The following IGF2R variants were observed in gnomAD, a reference collection of about 807,000 sequenced individuals.
The protein encoded by IGF2R is cation-independent mannose-6-phosphate receptor.
IGF2R carries 91 observed loss-of-function variants against 270.6 expected under a neutral mutation model. The ratio of observed to expected loss-of-function variants is 0.34; its 90% CI spans 0.28 to 0.40. The LOEUF is 0.40. IGF2R is among the 10% of genes least tolerant of loss of function. The pLI is 1.00. For synonymous variants in IGF2R, 1,316 were observed against 1,258.9 expected (o/e 1.05, Z -0.96); for missense variants, 2,805 against 3,188.3 (o/e 0.88, Z 2.90).
intron 36 of IGF2R, 131 bp downstream of exon 36, chr6:160,076,127 C>A: frequency 1.2e-6 from 1 of 847,670 alleles, no homozygotes; most frequent in Non-Finnish European, 1.9e-6. Flanking sequence ...AGATGGTACG[C>A]TAGTAGTGTG....
Position 160,069,978 on chromosome 6 carries a change from T to TA in IGF2R, c.4364dup (p.Tyr1455Ter). 1 of 1,614,202 alleles carries TA rather than the reference T, an allele frequency of 6.2e-7. No individual in the cohort carries two copies. The highest frequency in any genetic ancestry group is 8.5e-7 in the Non-Finnish European group (1 of 1,180,030). The change falls in exon 31 of 48, where the codon TAC becomes TAAC. Residue 1455 changes from tyrosine to a stop codon, truncating the protein, a stop_gained and frameshift_variant. Coordinates refer to ENST00000356956, the MANE Select transcript of IGF2R (RefSeq NM_000876.4). LOFTEE classifies it high-confidence loss of function. ...GAGAGATGGCATAATTGTCCTGAAATACGTTGATGGCGACTTATGTCCAGA... is the reference window on the plus strand; with the variant it reads ...GAGAGATGGCATAATTGTCCTGAAATAACGTTGATGGCGACTTATGTCCAGA... ...QWRDGIIVLKYVDGDLCPDGI... is the reference protein window; with the variant it reads ...QWRDGIIVLK
In IGF2R at chr6:160,102,420, G is replaced by T; in HGVS notation, c.6843-99G>T. ...GTAAGAATCACATGGTGTTGGGAAA[G>T]TCAGAGCTGCTCTTGCCTTGGGGAC... On this transcript the variant is annotated intron_variant, in intron 45 of 47. Transcript: ENST00000356956. This position sits in a 1 kb window ranked among gnomAD's most constrained non-coding sequence, Gnocchi z 4.5. The T allele has an allele frequency of 7.5e-7, 1 of 1,341,656 alleles. No homozygotes were observed. The allele number at this position is 1,341,656 out of a possible 1,614,324, so 83.1% of individuals were successfully genotyped here. A position where few individuals can be genotyped will look rare whatever the true frequency, so the allele number is the denominator to read the frequency against.
Position 160,084,231 on chromosome 6 carries a change from G to A in IGF2R, c.6068+47G>A, listed in dbSNP as rs753748230. 3 of 1,162,492 alleles carry A rather than the reference G, an allele frequency of 2.6e-6. No homozygotes were observed. The African/African-American group carries it at 4.5e-5, about 18-fold the overall frequency. The allele number at this position is 1,162,492 out of a possible 1,614,324, so 72.0% of individuals were successfully genotyped here. ...CCGCGGCGCCACACCCTCAGCATGT[G>A]AACTTCAGACTGCTTGACGATGGTT... is the stretch of plus-strand genomic sequence containing the variant. On this transcript the variant is annotated intron_variant, in intron 40 of 47. Coordinates refer to ENST00000356956, the MANE Select transcript of IGF2R (RefSeq NM_000876.4). The surrounding 1 kb of genome is among the most constrained non-coding windows in gnomAD (Gnocchi z 4.6).
intron 29 of IGF2R, among the ~76,000 whole-genome samples, chr6:160,065,810 G>GTATATATATATA (rs1280903899): frequency 1.2e-4 from 9 of 72,964 alleles, no homozygotes; most frequent in African/African-American, 1.8e-4. Flanking sequence ...GTGTGTGTGT[G>GTATATATATATA]TGTGTATATA....
chr6:160,080,393 A>C, intron 39 of IGF2R, 118 bp downstream of exon 39: 2 of 1,023,178 alleles, frequency 2.0e-6, no homozygotes, highest in Non-Finnish European at 2.8e-6. Flanking sequence ...CTTGCATAAA[A>C]TATTTTCTTA....
intron 4 of IGF2R, among the ~76,000 whole-genome samples, chr6:160,018,409 T>C (rs1299396918): frequency 6.6e-6 from 1 of 152,002 alleles, no homozygotes; most frequent in Non-Finnish European, 1.5e-5. Context: ...AATAATAGAA[T>C]TCAATCACTG....
At chr6:160,076,150 A>C (rs1411820094) in intron 36 of IGF2R, among the ~76,000 whole-genome samples, 154 bp downstream of exon 36, 1 of 152,246 alleles carries the variant, frequency 6.6e-6, no homozygotes, top group Non-Finnish European at 1.5e-5. Context: ...TGAATAATTT[A>C]AACCACTGAT....
rs975518738 is a variant in IGF2R, at chr6:160,050,279, G to A, written c.2515-194G>A. On this transcript the variant is annotated intron_variant, in intron 18 of 47. Coordinates refer to ENST00000356956, the MANE Select transcript of IGF2R (RefSeq NM_000876.4). This position sits in a 1 kb window ranked among gnomAD's most constrained non-coding sequence, Gnocchi z 4.0. ...TGGTGCTCAATTGCATGCCTGGAAC[G>A]CAGCATGCAGTTGTTGTTAACTCTT... Among the ~76,000 whole-genome samples the A allele has an allele frequency of 6.6e-6, 1 of 152,170 alleles. No individual in the cohort carries two copies. The highest frequency in any genetic ancestry group is 2.4e-5 in the African/African-American group (1 of 41,432).
At chr6:160,044,379 A>C (rs112843205) in intron 12 of IGF2R, 135 bp from the exon 13 acceptor site, 33 of 786,638 alleles carry the variant, frequency 4.2e-5, no homozygotes, top group African/African-American at 3.5e-4. Context: ...GGGCTGGAGA[A>C]GGGCTGCACG....
intron 10 of IGF2R, among the ~76,000 whole-genome samples, chr6:160,034,880 TTGAG>T (rs1777778861): frequency 6.6e-6 from 1 of 152,226 alleles, no homozygotes; most frequent in Non-Finnish European, 1.5e-5. Flanking sequence ...TCAATTTTGA[TTGAG>T]TGACCTCTTC....
chr6:160,084,280 G>C lies in IGF2R; in HGVS notation c.6068+96G>C, dbSNP rs3777402. On this transcript the variant is annotated intron_variant, in intron 40 of 47. Transcript: ENST00000356956. The surrounding 1 kb of genome is among the most constrained non-coding windows in gnomAD (Gnocchi z 4.6). ...TTGGCTCTTTTGGGTTCTCAAGATG[G>C]GAATACTATGCCCATGTGAGGCTGA... The C allele has an allele frequency of 0.029, 20,799 of 722,976 alleles. 668 individuals carry two copies. Among genetic ancestry groups the C allele is most frequent in the East Asian group, 0.12 (4,394 of 37,876 alleles). 44.8% of individuals were successfully genotyped at this position (722,976 alleles called of 1,614,324 possible).
intron 45 of IGF2R, among the ~76,000 whole-genome samples, chr6:160,097,620 A>G (rs1024210544): frequency 6.6e-6 from 1 of 152,200 alleles, no homozygotes; most frequent in Non-Finnish European, 1.5e-5. Flanking sequence ...GTGAGCTGCC[A>G]TGCCCGGCCT....
chr6:160,054,551 G>A (rs1176886149), intron 19 of IGF2R, among the ~76,000 whole-genome samples: 1 of 152,176 alleles, frequency 6.6e-6, no homozygotes, highest in Admixed American at 6.5e-5. Context: ...AAAAGGGTCG[G>A]CTTCTGTTTA....
At position 160,060,665 on chromosome 6, in the gene IGF2R, G is replaced by A. The variant is rs369314463; in HGVS notation, c.3210G>A (p.Glu1070=). 1.9e-6 allele frequency: 3 copies of A among 1,614,148 alleles called. No individual in the cohort carries two copies. Among genetic ancestry groups the A allele is most frequent in the African/African-American group, 2.7e-5 (2 of 74,948 alleles). Reference sequence around the variant, plus strand: ...AAGGGATCCGAAACACTTACTTTGAGTTTGAAACCGCGTTGGCCTGTGTTC... The same window carrying A: ...AAGGGATCCGAAACACTTACTTTGAATTTGAAACCGCGTTGGCCTGTGTTC... ...SGQGIRNTYF[E]FETALACVPS... Residue 1070 remains glutamate (E), a synonymous_variant, in exon 23 of 48, where the codon GAG becomes GAA. Transcript: ENST00000356956.
chr6:160,005,218 C>G (rs1784197891), intron 2 of IGF2R: 1 of 152,328 alleles, frequency 6.6e-6, no homozygotes, highest in Admixed American at 6.5e-5. Flanking sequence ...TAATGTGGTT[C>G]TAAGGAGGCT....
At chr6:160,046,469 A>G (rs536361166) in intron 14 of IGF2R, 29 bp from the exon 15 acceptor site, 8 of 1,593,120 alleles carry the variant, frequency 5.0e-6, no homozygotes, top group Middle Eastern at 2.0e-4. Flanking sequence ...CTGACCTTCC[A>G]TACTTTTATT....
Position 160,105,457 on chromosome 6 carries a change from C to A in IGF2R, c.*373C>A, listed in dbSNP as rs1194086527. On this transcript the variant is annotated 3_prime_UTR_variant, in exon 48 of 48. Transcript: ENST00000356956. The stretch of plus-strand genomic sequence containing the variant: ...CCCGATATATTTTAGCATTTTAATT[C>A]TCTCCCCCTATTTATTGACTTTGAC... 2 of 168,842 alleles carry A rather than the reference C, an allele frequency of 1.2e-5. No homozygotes were observed. Among genetic ancestry groups the A allele is most frequent in the African/African-American group, 4.8e-5 (2 of 42,018 alleles). The allele number at this position is 168,842 out of a possible 1,614,324, so 10.5% of individuals were successfully genotyped here. A position where few individuals can be genotyped will look rare whatever the true frequency, so the allele number is the denominator to read the frequency against.
chr6:160,009,250 T>C (rs949786673), intron 3 of IGF2R, 116 bp downstream of exon 3: 1 of 834,880 alleles, frequency 1.2e-6, no homozygotes, highest in Non-Finnish European at 1.8e-6. Flanking sequence ...GAAACACAAA[T>C]AAGAAAAACC....
intron 10 of IGF2R, among the ~76,000 whole-genome samples, chr6:160,037,132 T>G (rs1777845052): frequency 6.6e-6 from 1 of 152,216 alleles, no homozygotes; most frequent in Non-Finnish European, 1.5e-5. Context: ...TTCCTTTATG[T>G]AAATTCAGTA....
Sources: allele counts gnomAD v4.1 joint callset (sites outside exome capture counted in the v4.1 genomes callset), GRCh38; gene constraint gnomAD v4.1.1; non-coding constraint Gnocchi (gnomAD v3.1); transcripts MANE v1.5; gene names NCBI Gene and HGNC (gene_info 2026-07-23, HGNC 2026-07-21).